EDAR: variants seen among roughly 807,000 people sequenced by gnomAD.
The protein encoded by EDAR is ectodysplasin A receptor, also known as tumor necrosis factor receptor superfamily member EDAR.
Under a neutral mutation model 51.3 loss-of-function variants are expected in EDAR, and 38 were observed. The observed-to-expected ratio is 0.74, with a 90% confidence interval of 0.57 to 0.97. The LOEUF is 0.97. Ranked by LOEUF, EDAR falls within the 50% of genes least tolerant of loss-of-function variation. The probability of loss-of-function intolerance (pLI) is 0.00; values close to 1 mark genes in which losing one functional copy is unlikely to be tolerated. For missense variants in EDAR, 528 were observed against 595.0 expected, an observed-to-expected ratio of 0.89 and a Z score of 1.17; for synonymous variants, 227 against 242.1, an observed-to-expected ratio of 0.94 and a Z score of 0.58.
At chr2:108,929,136 G>A (rs535076971) in intron 4 of EDAR, 62 bp downstream of exon 4, 269 of 1,593,420 alleles carry the variant, frequency 1.7e-4, no homozygotes, top group Non-Finnish European at 2.0e-4. Context: ...GTCCTTGCCC[G>A]TAGCCCCTCG....
chr2:108,908,967 GT>G (rs1696863050), intron 9 of EDAR, among the ~76,000 whole-genome samples: 1 of 152,070 alleles, frequency 6.6e-6, no homozygotes, highest in Non-Finnish European at 1.5e-5. Context: ...ACCCATCCCT[GT>G]CCCCACTCGA....
intron 1 of EDAR, among the ~76,000 whole-genome samples, chr2:108,978,585 T>C (rs1041579018): frequency 1.3e-5 from 2 of 152,186 alleles, no homozygotes; most frequent in Admixed American, 6.5e-5. Context: ...TTTTTTTTCT[T>C]GTTTAACAGT....
chr2:108,980,557 T>C (rs946681456), intron 1 of EDAR, among the ~76,000 whole-genome samples: 6 of 152,184 alleles, frequency 3.9e-5, no homozygotes, highest in South Asian at 4.1e-4. Flanking sequence ...TACATGCATA[T>C]GTATAAGTCG....
At chr2:108,925,243 A>G (rs756771156) in intron 4 of EDAR, among the ~76,000 whole-genome samples, 1 of 152,226 alleles carries the variant, frequency 6.6e-6, no homozygotes, top group Non-Finnish European at 1.5e-5. Context: ...GTCTGTAAAC[A>G]TTGGCTGAAT....
At chr2:108,921,418 C>T (rs1248608802) in intron 5 of EDAR, among the ~76,000 whole-genome samples, 2 of 152,202 alleles carry the variant, frequency 1.3e-5, no homozygotes, top group Non-Finnish European at 2.9e-5. Context: ...CAAGGATGTG[C>T]ACTTTGTTTG....
intron 5 of EDAR, among the ~76,000 whole-genome samples, chr2:108,921,369 G>A (rs541065372): frequency 2.0e-5 from 3 of 152,324 alleles, no homozygotes; most frequent in Non-Finnish European, 4.4e-5. Flanking sequence ...CAAGTCTGAC[G>A]GTGGTTTGCG....
intron 1 of EDAR, among the ~76,000 whole-genome samples, chr2:108,976,205 A>G (rs1698319707): frequency 6.6e-6 from 1 of 152,184 alleles, no homozygotes; most frequent in Non-Finnish European, 1.5e-5. Flanking sequence ...TTGGCTAACA[A>G]GACAATTTCT....
intron 11 of EDAR, among the ~76,000 whole-genome samples, chr2:108,899,901 G>A (rs369676343): frequency 5.9e-5 from 9 of 151,780 alleles, no homozygotes; most frequent in African/African-American, 1.5e-4. Context: ...CAGGAGAATC[G>A]CTTGAACCTG....
At chr2:108,932,461 G>A (rs112095594) in intron 1 of EDAR, among the ~76,000 whole-genome samples, 1 of 149,762 alleles carries the variant, frequency 6.7e-6, no homozygotes. Context: ...CCCGGGAGGC[G>A]GAGCTTGCAG....
At chr2:108,975,063 C>G (rs528507229) in intron 1 of EDAR, among the ~76,000 whole-genome samples, 1 of 152,338 alleles carries the variant, frequency 6.6e-6, no homozygotes, top group East Asian at 1.9e-4. Flanking sequence ...ATTGTGGAAT[C>G]TGCTTTTCCA....
intron 1 of EDAR, among the ~76,000 whole-genome samples, chr2:108,958,258 G>A (rs1401066045): frequency 6.6e-6 from 1 of 152,178 alleles, no homozygotes; most frequent in Non-Finnish European, 1.5e-5. Flanking sequence ...CTTTCCTTAA[G>A]CTCACTGTTG....
At chr2:108,974,329 CAAAAAAAAAAAAAAA>C (rs11346592) in intron 1 of EDAR, among the ~76,000 whole-genome samples, 1 of 61,496 alleles carries the variant, frequency 1.6e-5, no homozygotes, top group African/African-American at 6.7e-5. Flanking sequence ...GGATCCGTCT[CAAAAAAAAAAAAAAA>C]AAAAAAAAAA....
intron 1 of EDAR, among the ~76,000 whole-genome samples, chr2:108,945,082 C>G (rs145557485): frequency 6.6e-5 from 10 of 152,222 alleles, no homozygotes; most frequent in African/African-American, 2.4e-4. Context: ...CTTGAATGCG[C>G]AAAGGAGTTG....
At position 108,907,943 on chromosome 2, in the gene EDAR, T is replaced by G; in HGVS notation, c.880A>C (p.Lys294Gln). The G allele has an allele frequency of 6.2e-7, 1 of 1,613,642 alleles. No homozygotes were observed. The highest frequency in any genetic ancestry group is 8.5e-7 in the Non-Finnish European group (1 of 1,179,990). The change falls in exon 10 of 12, where the codon AAG becomes CAG. Residue 294 changes from lysine (K) to glutamine (Q), a missense_variant. Physicochemically the swap from Lys to Gln is moderately conservative, Grantham distance 53. Coordinates refer to ENST00000258443, the MANE Select transcript of EDAR (RefSeq NM_022336.4). ...AGGCACAGCTCCGGGGAGCCCTGCT[T>G]GTCAGGGGCGGGCTCCTCATCACTG... ...VDSDEEPAPD[K>Q]QGSPELCLLS...
intron 1 of EDAR, among the ~76,000 whole-genome samples, chr2:108,971,142 G>A (rs1196011214): frequency 6.6e-6 from 1 of 152,108 alleles, no homozygotes. Context: ...CTGGGCAGGC[G>A]GTCAGACCCT....
chr2:108,945,631 T>A (rs536420299), intron 1 of EDAR, among the ~76,000 whole-genome samples: 6 of 152,258 alleles, frequency 3.9e-5, no homozygotes, highest in African/African-American at 1.2e-4. Flanking sequence ...CAGCTAACTT[T>A]CTAAAAATTT....
In EDAR at chr2:108,912,720, AG is replaced by A. The variant is rs1232306183; in HGVS notation, c.486del (p.Ser163ArgfsTer26). 1 of 1,603,138 alleles carries A rather than the reference AG, an allele frequency of 6.2e-7. No homozygotes were observed. Among genetic ancestry groups the A allele is most frequent in the Non-Finnish European group, 8.5e-7 (1 of 1,175,348 alleles). On this transcript the variant is annotated frameshift_variant, in exon 6 of 12. Coordinates refer to ENST00000258443, the MANE Select transcript of EDAR (RefSeq NM_022336.4). LOFTEE classifies it high-confidence loss of function. ...AAGGGAGACAGGGTGCTGCTGCCCGAGGTGCCAGGGAAGTTGGCAGAAGCTC... is the reference window on the plus strand; with the variant it reads ...AAGGGAGACAGGGTGCTGCTGCCCGAGTGCCAGGGAAGTTGGCAGAAGCTC... ...TSGASANFPG[T>X]SGSSTLSPFQ...
chr2:108,971,109 A>G (rs1488902055), intron 1 of EDAR, among the ~76,000 whole-genome samples: 1 of 152,140 alleles, frequency 6.6e-6, no homozygotes, highest in East Asian at 1.9e-4. Flanking sequence ...CCTCCGACTC[A>G]GTCCTGGTGC....
chr2:108,942,231 A>T (rs1032087050), intron 1 of EDAR, among the ~76,000 whole-genome samples: 3 of 152,250 alleles, frequency 2.0e-5, no homozygotes, highest in Non-Finnish European at 4.4e-5. Context: ...ACATGGAGTC[A>T]ATGGCGGCTC....
Sources: allele counts gnomAD v4.1 joint callset (sites outside exome capture counted in the v4.1 genomes callset), GRCh38; gene constraint gnomAD v4.1.1; transcripts MANE v1.5; gene names NCBI Gene and HGNC (gene_info 2026-07-23, HGNC 2026-07-21).